The following KCNT1 variants were observed in gnomAD, a reference collection of about 807,000 sequenced individuals.
The protein encoded by KCNT1 is potassium channel subfamily T member 1.
A neutral mutation model predicts 147.8 loss-of-function variants in KCNT1; 78 were observed. That is an observed-to-expected ratio of 0.53 (90% CI 0.44 to 0.64). The LOEUF is 0.64. KCNT1 is among the 30% of genes least tolerant of loss of function. The pLI is 0.00. For synonymous variants in KCNT1, 867 were observed against 748.8 expected, an observed-to-expected ratio of 1.16 and a Z score of -2.58; for missense variants, 1,419 against 1,750.3, an observed-to-expected ratio of 0.81 and a Z score of 3.38.
At chr9:135,736,038 C>A (rs1317080901) in intron 2 of KCNT1, among the ~76,000 whole-genome samples, 1 of 152,246 alleles carries the variant, frequency 6.6e-6, no homozygotes, top group East Asian at 1.9e-4. Context: ...GTGCCCGGTG[C>A]CCAGCCTGGC....
In KCNT1 at chr9:135,744,600, C is replaced by T. The variant is rs533750343; in HGVS notation, c.255-5498C>T. On this transcript the variant is annotated intron_variant, in intron 2 of 30. Transcript: ENST00000371757. ...GGCAAGCGTGGGCCTCGGGGAGCCT[C>T]GGGGGGCTACAGCGGGCTTCAGCCG... 1.8e-4 allele frequency among the ~76,000 whole-genome samples: 28 copies of T among 152,346 alleles called. No homozygotes were observed. The East Asian group carries it at 4.8e-3, about 26-fold the overall frequency.
intron 2 of KCNT1, among the ~76,000 whole-genome samples, chr9:135,722,347 G>A (rs527986519): frequency 4.6e-5 from 7 of 152,204 alleles, no homozygotes; most frequent in Non-Finnish European, 8.8e-5. Context: ...ATGTCCCAGG[G>A]ACTCATGTGT....
At chr9:135,722,936 C>T (rs984805683) in intron 2 of KCNT1, among the ~76,000 whole-genome samples, 4 of 152,194 alleles carry the variant, frequency 2.6e-5, no homozygotes, top group Admixed American at 1.3e-4. Context: ...AAGAAGGGGA[C>T]GCTGCAAAAG....
At chr9:135,788,783 AC>A (rs1461774026) in intron 29 of KCNT1, among the ~76,000 whole-genome samples, 1 of 151,804 alleles carries the variant, frequency 6.6e-6, no homozygotes, top group Admixed American at 6.6e-5. Flanking sequence ...GCCGCTCCAC[AC>A]CCCGTTTCCT....
At chr9:135,705,401 CA>C (rs376060304) in intron 1 of KCNT1, among the ~76,000 whole-genome samples, 8 of 152,198 alleles carry the variant, frequency 5.3e-5, no homozygotes, top group African/African-American at 1.9e-4. Context: ...ATCGTGTACC[CA>C]AAAACAAGTG....
rs531691278 is a variant in KCNT1, at chr9:135,756,975, C to T, written c.600+43C>T. ...ATGGCACCTCACAGGGGGTCCCCAC[C>T]CTCCCCACCCTCCCCAGCCTCCCCC... On this transcript the variant is annotated intron_variant, in intron 7 of 30. Coordinates refer to ENST00000371757, the MANE Select transcript of KCNT1 (RefSeq NM_020822.3). The T allele has an allele frequency of 2.0e-5, 17 of 830,054 alleles. No individual in the cohort carries two copies. In the South Asian group the frequency reaches 4.7e-4, roughly 23 times the overall value. 51.4% of individuals were successfully genotyped at this position (830,054 alleles called of 1,614,324 possible).
chr9:135,708,148 G>A (rs935813371), intron 1 of KCNT1, among the ~76,000 whole-genome samples: 6 of 152,244 alleles, frequency 3.9e-5, no homozygotes, highest in African/African-American at 1.4e-4. Flanking sequence ...TGCTATGCCT[G>A]CCTGGGGGAC....
In KCNT1 at chr9:135,795,355, G is replaced by A. The variant is rs1416889747; in HGVS notation, c.*3194G>A. ...GGTACCCAAGAGGCTGAGGAAGGAG[G>A]ATCACCTGAGCTGGGGAGGTTGAGG... is the stretch of plus-strand genomic sequence containing the variant. On this transcript the variant is annotated 3_prime_UTR_variant, in exon 31 of 31. Coordinates refer to ENST00000371757, the MANE Select transcript of KCNT1 (RefSeq NM_020822.3). 6.6e-6 allele frequency: 1 copy of A among 152,132 alleles called. No homozygotes were observed. 9.4% of individuals were successfully genotyped at this position (152,132 alleles called of 1,614,324 possible). A position where few individuals can be genotyped will look rare whatever the true frequency, so the allele number is the denominator to read the frequency against.
intron 2 of KCNT1, among the ~76,000 whole-genome samples, chr9:135,726,489 C>T (rs1836147555): frequency 1.3e-5 from 2 of 152,092 alleles, no homozygotes; most frequent in African/African-American, 4.8e-5. Context: ...CGTTCCAAGC[C>T]TCAGTGGGTC....
intron 1 of KCNT1, among the ~76,000 whole-genome samples, chr9:135,710,507 G>A (rs1835441058): frequency 6.6e-6 from 1 of 152,202 alleles, no homozygotes; most frequent in Non-Finnish European, 1.5e-5. Flanking sequence ...GTCAGGACAG[G>A]TGGAGCTGCA....
At chr9:135,734,646 C>T (rs190321182) in intron 2 of KCNT1, among the ~76,000 whole-genome samples, 27 of 152,328 alleles carry the variant, frequency 1.8e-4, no homozygotes, top group Admixed American at 3.3e-4. Context: ...AGACCCACTG[C>T]ACTCTCGAAA....
At chr9:135,729,058 T>C (rs958708780) in intron 2 of KCNT1, among the ~76,000 whole-genome samples, 6 of 152,198 alleles carry the variant, frequency 3.9e-5, no homozygotes, top group African/African-American at 1.4e-4. Context: ...TGGGCCCTAA[T>C]TCAATAGGAC....
Position 135,702,223 on chromosome 9 carries a change from C to G in KCNT1, c.-36C>G. Reference sequence around the variant, plus strand: ...GGAAGAAGGTGGCGGCTCCCACTCGCTTCTCCCTCGGGTCGGGTCCGAGCT... The same window carrying G: ...GGAAGAAGGTGGCGGCTCCCACTCGGTTCTCCCTCGGGTCGGGTCCGAGCT... On this transcript the variant is annotated 5_prime_UTR_variant, in exon 1 of 31. Coordinates refer to ENST00000371757, the MANE Select transcript of KCNT1 (RefSeq NM_020822.3). 1 of 1,494,854 alleles carries G rather than the reference C, an allele frequency of 6.7e-7. No homozygotes were observed. Among genetic ancestry groups the G allele is most frequent in the Non-Finnish European group, 9.2e-7 (1 of 1,081,172 alleles). The allele number at this position is 1,494,854 out of a possible 1,614,324, so 92.6% of individuals were successfully genotyped here.
At chr9:135,757,104 G>T in intron 7 of KCNT1, 52 bp from the exon 8 acceptor site, 1 of 1,028,010 alleles carries the variant, frequency 9.7e-7, no homozygotes. Context: ...CCCCTGCTGG[G>T]CCCCACCCCC....
chr9:135,744,641 G>T (rs1202304556), intron 2 of KCNT1, among the ~76,000 whole-genome samples: 1 of 152,186 alleles, frequency 6.6e-6, no homozygotes, highest in African/African-American at 2.4e-5. Context: ...GGACGGGGCT[G>T]GCCAGGAGCT....
chr9:135,771,992 A>C (rs1284265023), intron 18 of KCNT1, among the ~76,000 whole-genome samples: 1 of 152,188 alleles, frequency 6.6e-6, no homozygotes, highest in Non-Finnish European at 1.5e-5. Context: ...CACAGTCTCC[A>C]AGACCCAGAG....
chr9:135,770,485 G>A, intron 17 of KCNT1, 38 bp downstream of exon 17: 1 of 1,585,756 alleles, frequency 6.3e-7, no homozygotes, highest in East Asian at 2.2e-5. Context: ...GGCGCTCCAG[G>A]GCTGCTCTGC....
At position 135,732,021 on chromosome 9, in the gene KCNT1, GA is replaced by G. The variant is rs1564328260; in HGVS notation, c.254+17302del. On this transcript the variant is annotated intron_variant, in intron 2 of 30. Coordinates refer to ENST00000371757, the MANE Select transcript of KCNT1 (RefSeq NM_020822.3). ...AGAGAGAGAGAGAGAGAGAGAGAGAGAGAGAGAGAGAGAGAGAGAGGGAGTC... is the reference window on the plus strand; with the variant it reads ...AGAGAGAGAGAGAGAGAGAGAGAGAGGAGAGAGAGAGAGAGAGAGGGAGTC... Among the ~76,000 whole-genome samples the G allele has an allele frequency of 3.5e-4, 46 of 131,590 alleles. 1 individual carries two copies. The highest frequency in any genetic ancestry group is 5.2e-4 in the Non-Finnish European group (32 of 61,186). The allele number at this position is 131,590 out of a possible 152,430, so 86.3% of individuals were successfully genotyped here.
At chr9:135,732,948 C>A (rs1830166503) in intron 2 of KCNT1, among the ~76,000 whole-genome samples, 1 of 151,966 alleles carries the variant, frequency 6.6e-6, no homozygotes, top group South Asian at 2.1e-4. Context: ...GGACACACCC[C>A]CTGGTTGCCT....
Sources: gnomAD v4.1 joint callset for allele counts (sites outside exome capture counted in the v4.1 genomes callset) on GRCh38, gnomAD v4.1.1 for gene constraint, MANE v1.5 for transcripts, NCBI Gene and HGNC (gene_info 2026-07-23, HGNC 2026-07-21) for gene names.